The following PPM1H variants were observed in gnomAD, a reference collection of about 807,000 sequenced individuals.
The protein encoded by PPM1H is protein phosphatase 1H.
PPM1H carries 27 observed loss-of-function variants against 54.9 expected under a neutral mutation model. The ratio of observed to expected loss-of-function variants is 0.49; its 90% CI spans 0.36 to 0.68. PPM1H has a LOEUF of 0.68. PPM1H is among the 30% of genes least tolerant of loss of function. PPM1H has a pLI of 0.00. For synonymous variants in PPM1H, 305 were observed against 270.8 expected (o/e 1.13, Z -1.24); for missense variants, 596 against 667.8 (o/e 0.89, Z 1.19).
intron 6 of PPM1H, among the ~76,000 whole-genome samples, chr12:62,697,658 TGA>T (rs1425095680): frequency 6.6e-6 from 1 of 152,160 alleles, no homozygotes; most frequent in Non-Finnish European, 1.5e-5. Context: ...GAGTGAAGCT[TGA>T]GAGCTCCAAG....
intron 4 of PPM1H, among the ~76,000 whole-genome samples, chr12:62,761,631 T>C (rs549132076): frequency 2.0e-5 from 3 of 152,278 alleles, no homozygotes; most frequent in African/African-American, 7.2e-5. Context: ...CCCAGCCTTA[T>C]AGGCCCTCAT....
chr12:62,907,056 G>T (rs987991845), intron 1 of PPM1H, among the ~76,000 whole-genome samples: 3 of 152,170 alleles, frequency 2.0e-5, no homozygotes, highest in Non-Finnish European at 2.9e-5. Flanking sequence ...AAACAAGATC[G>T]ATCACCTCCA....
At chr12:62,760,428 C>T (rs1011988537) in intron 4 of PPM1H, among the ~76,000 whole-genome samples, 49 of 152,128 alleles carry the variant, frequency 3.2e-4, no homozygotes, top group African/African-American at 1.1e-3. Context: ...CTCCTCCGGT[C>T]GCTCCCTGCC....
At chr12:62,799,215 T>C (rs506821) in intron 3 of PPM1H, among the ~76,000 whole-genome samples, 2 of 152,198 alleles carry the variant, frequency 1.3e-5, no homozygotes, top group African/African-American at 4.8e-5. Flanking sequence ...TTTTTCTGAA[T>C]GAACCTTTCT....
chr12:62,905,293 T>C lies in PPM1H; in HGVS notation c.245+29199A>G, dbSNP rs540522979. 6.7e-4 allele frequency among the ~76,000 whole-genome samples: 102 copies of C among 152,310 alleles called. 2 individuals are homozygous for C. The highest frequency in any genetic ancestry group is 2.3e-3 in the African/African-American group (94 of 41,570). ...CAGGGTTTCTTAGAGGGTAGTTCCA[T>C]ATCTTGGGGCGGGGAAAGTTAGGGA... On this transcript the variant is annotated intron_variant, in intron 1 of 9. Transcript: ENST00000228705.
chr12:62,891,588 T>C (rs1233927949), intron 1 of PPM1H, among the ~76,000 whole-genome samples: 1 of 152,250 alleles, frequency 6.6e-6, no homozygotes, highest in Non-Finnish European at 1.5e-5. Context: ...CTATTGTCTC[T>C]GGGACATTTT....
intron 1 of PPM1H, among the ~76,000 whole-genome samples, chr12:62,864,698 T>C (rs1869715560): frequency 6.6e-6 from 1 of 152,194 alleles, no homozygotes; most frequent in South Asian, 2.1e-4. Context: ...ATCAAAGCAG[T>C]CATTCTTAAA....
At chr12:62,824,832 T>C (rs1374732883) in intron 2 of PPM1H, among the ~76,000 whole-genome samples, 1 of 152,256 alleles carries the variant, frequency 6.6e-6, no homozygotes. Flanking sequence ...ATTCAGGACA[T>C]AGGCATGGGC....
intron 6 of PPM1H, 24 bp from the exon 7 acceptor site, chr12:62,694,023 A>T (rs1257848832): frequency 1.2e-6 from 2 of 1,600,782 alleles, no homozygotes; most frequent in African/African-American, 1.3e-5. Flanking sequence ...ACAACATTTT[A>T]AAAAAGGTTT....
intron 2 of PPM1H, among the ~76,000 whole-genome samples, chr12:62,803,853 T>C (rs1268907888): frequency 6.6e-6 from 1 of 152,166 alleles, no homozygotes; most frequent in Non-Finnish European, 1.5e-5. Flanking sequence ...TACAATTCTA[T>C]TGCAAACAAA....
At chr12:62,865,289 T>C (rs887618356) in intron 1 of PPM1H, among the ~76,000 whole-genome samples, 4 of 152,166 alleles carry the variant, frequency 2.6e-5, no homozygotes, top group African/African-American at 9.6e-5. Flanking sequence ...TCCAAGCAGC[T>C]GGCTTCCAAC....
intron 1 of PPM1H, 36 bp from the exon 2 acceptor site, chr12:62,832,315 C>T (rs372081436): frequency 2.4e-5 from 37 of 1,571,200 alleles, no homozygotes; most frequent in Admixed American, 1.8e-4. Context: ...TCAGACAGAC[C>T]GATAAAGCTG....
At chr12:62,860,000 G>A (rs1005782867) in intron 1 of PPM1H, among the ~76,000 whole-genome samples, 4 of 152,180 alleles carry the variant, frequency 2.6e-5, no homozygotes, top group South Asian at 2.1e-4. Context: ...AGGTGAAGAC[G>A]TGAGGATAAT....
intron 1 of PPM1H, among the ~76,000 whole-genome samples, chr12:62,914,040 T>G (rs1298812712): frequency 6.6e-6 from 1 of 152,152 alleles, no homozygotes; most frequent in East Asian, 1.9e-4. Flanking sequence ...AGGAGTGCTG[T>G]AGTTTGGTTT....
At position 62,667,995 on chromosome 12, in the gene PPM1H, C is replaced by T. The variant is rs369279876; in HGVS notation, c.1246-666G>A. Among the ~76,000 whole-genome samples, 9 of 152,292 alleles carry T rather than the reference C, an allele frequency of 5.9e-5. No homozygotes were observed. In the East Asian group the frequency reaches 1.2e-3, roughly 20 times the overall value. The stretch of plus-strand genomic sequence containing the variant: ...CATGTTTCAGGAGCCTCAACTGAGG[C>T]TCACAGAAGATACACGCTCACTCTG... On this transcript the variant is annotated intron_variant, in intron 8 of 9. Coordinates refer to ENST00000228705, the MANE Select transcript of PPM1H (RefSeq NM_020700.2).
intron 4 of PPM1H, among the ~76,000 whole-genome samples, chr12:62,754,813 G>A (rs745550543): frequency 6.6e-6 from 1 of 152,220 alleles, no homozygotes. Context: ...GTTAGCACAA[G>A]TAAAAATAAA....
At chr12:62,907,984 G>A (rs1254948098) in intron 1 of PPM1H, among the ~76,000 whole-genome samples, 1 of 152,140 alleles carries the variant, frequency 6.6e-6, no homozygotes, top group African/African-American at 2.4e-5. Context: ...AAAGCTCAAG[G>A]CAGAAAAGAA....
Position 62,689,706 on chromosome 12 carries a change from G to C in PPM1H, c.1238C>G (p.Ala413Gly), listed in dbSNP as rs1453785178. The C allele has an allele frequency of 6.2e-7, 1 of 1,612,574 alleles. No individual in the cohort carries two copies. Among genetic ancestry groups the C allele is most frequent in the Non-Finnish European group, 8.5e-7 (1 of 1,178,936 alleles). ...NIYIKPFLSS[A>G]PEVRIYDLSK... is the part of the protein sequence containing the mutation. ...AAAAACCTCATGCGGTACCTCTGGAGCTGAAGACAGGAATGGTTTAATGTA... is the reference window on the plus strand; with the variant it reads ...AAAAACCTCATGCGGTACCTCTGGACCTGAAGACAGGAATGGTTTAATGTA... Residue 413 changes from alanine (A) to glycine (G), a missense_variant, in exon 8 of 10, where the codon GCT becomes GGT. Ala to Gly is a moderately conservative substitution (Grantham distance 60). This residue lies in a region of PPM1H where 208 missense variants were observed against 259.5 expected (regional missense o/e 0.80). Transcript: ENST00000228705.
intron 8 of PPM1H, among the ~76,000 whole-genome samples, chr12:62,676,987 C>T (rs144018289): frequency 3.3e-5 from 5 of 152,264 alleles, no homozygotes; most frequent in Non-Finnish European, 7.4e-5. Flanking sequence ...CACTCATGGC[C>T]ACCCCTGAAC....
Sources: gnomAD v4.1 joint callset for allele counts (sites outside exome capture counted in the v4.1 genomes callset) on GRCh38, gnomAD v4.1.1 for gene constraint, gnomAD v4.1.1 regional missense constraint, MANE v1.5 for transcripts, NCBI Gene and HGNC (gene_info 2026-07-23, HGNC 2026-07-21) for gene names.